ASCC1: variants seen among roughly 807,000 people sequenced by gnomAD.
ASCC1 encodes the protein activating signal cointegrator 1 complex subunit 1.
A neutral mutation model predicts 46.6 loss-of-function variants in ASCC1; 35 were observed. That is an observed-to-expected ratio of 0.75 (90% CI 0.57 to 0.99). ASCC1 has a LOEUF of 0.99. Among genes scored for constraint, ASCC1 ranks in the 50% least tolerant of loss-of-function variants. The probability of loss-of-function intolerance (pLI) is 0.00; values close to 1 mark genes in which losing one functional copy is unlikely to be tolerated. For missense variants in ASCC1, 376 were observed against 428.7 expected, an observed-to-expected ratio of 0.88 and a Z score of 1.09; for synonymous variants, 143 against 146.6, an observed-to-expected ratio of 0.98 and a Z score of 0.18.
chr10:72,118,703 T>C (rs923124003), intron 9 of ASCC1, among the ~76,000 whole-genome samples: 1 of 151,336 alleles, frequency 6.6e-6, no homozygotes, highest in African/African-American at 2.4e-5. Context: ...TGCTTGATCC[T>C]GGGAGGCAGA....
intron 6 of ASCC1, among the ~76,000 whole-genome samples, chr10:72,153,812 C>G (rs1848648145): frequency 6.6e-6 from 1 of 151,950 alleles, no homozygotes; most frequent in Non-Finnish European, 1.5e-5. Flanking sequence ...ACCTCCACCT[C>G]CTAGATTCAA....
intron 9 of ASCC1, chr10:72,103,019 G>A (rs1272951709): frequency 4.6e-6 from 2 of 436,870 alleles, no homozygotes; most frequent in Admixed American, 5.1e-5. Context: ...AAATATGTAG[G>A]TATTGACAAC....
At chr10:72,136,918 C>T (rs1846296491) in intron 7 of ASCC1, among the ~76,000 whole-genome samples, 1 of 151,966 alleles carries the variant, frequency 6.6e-6, no homozygotes, top group Admixed American at 6.6e-5. Flanking sequence ...GGAAGAAACT[C>T]CGGACACATC....
At chr10:72,202,435 T>G (rs778349911) in intron 4 of ASCC1, among the ~76,000 whole-genome samples, 16 of 149,866 alleles carry the variant, frequency 1.1e-4, no homozygotes, top group Non-Finnish European at 1.9e-4. Context: ...ACCTCAGCAC[T>G]CCAGCCTGGG....
intron 9 of ASCC1, among the ~76,000 whole-genome samples, chr10:72,109,196 G>C (rs1277105752): frequency 6.6e-6 from 1 of 152,226 alleles, no homozygotes; most frequent in Non-Finnish European, 1.5e-5. Context: ...AGGGCAGTCT[G>C]TGGGAGGAGC....
intron 9 of ASCC1, 85 bp downstream of exon 9, chr10:72,127,997 A>C: frequency 9.4e-7 from 1 of 1,067,804 alleles, no homozygotes; most frequent in Admixed American, 1.7e-5. Context: ...AGAAGTATGA[A>C]GAAATATACG....
chr10:72,213,480 C>A, intron 1 of ASCC1, 149 bp from the exon 2 acceptor site: 1 of 595,150 alleles, frequency 1.7e-6, no homozygotes, highest in Non-Finnish European at 3.1e-6. Context: ...GATTTCCCAT[C>A]TGTAAACCAG....
intron 7 of ASCC1, among the ~76,000 whole-genome samples, chr10:72,137,527 CAAAAA>C (rs397956947): frequency 2.6e-5 from 2 of 76,130 alleles, no homozygotes; most frequent in African/African-American, 5.1e-5. Flanking sequence ...GACTCCATCT[CAAAAA>C]AAAAAAAAAA....
At chr10:72,179,918 C>T (rs1852348360) in intron 5 of ASCC1, among the ~76,000 whole-genome samples, 1 of 152,040 alleles carries the variant, frequency 6.6e-6, no homozygotes, top group Admixed American at 6.6e-5. Context: ...TCCAAATGTT[C>T]CAGTGGTGAA....
intron 3 of ASCC1, among the ~76,000 whole-genome samples, chr10:72,210,051 G>A (rs1010249448): frequency 2.0e-5 from 3 of 151,866 alleles, no homozygotes; most frequent in Non-Finnish European, 2.9e-5. Flanking sequence ...TGACATGCCT[G>A]CTCCCACTTC....
At chr10:72,148,191 G>A (rs1847867479) in intron 7 of ASCC1, among the ~76,000 whole-genome samples, 1 of 152,070 alleles carries the variant, frequency 6.6e-6, no homozygotes, top group African/African-American at 2.4e-5. Flanking sequence ...CTCAGCCCTT[G>A]AGTGCACATC....
At chr10:72,117,476 T>C (rs1000886360) in intron 9 of ASCC1, among the ~76,000 whole-genome samples, 3 of 152,210 alleles carry the variant, frequency 2.0e-5, no homozygotes, top group South Asian at 4.1e-4. Context: ...TTTGCACTGA[T>C]TGAGAACGCT....
chr10:72,162,951 A>AAAAAAAAAAAG (rs2132709222), intron 5 of ASCC1, among the ~76,000 whole-genome samples: 1 of 151,858 alleles, frequency 6.6e-6, no homozygotes, highest in African/African-American at 2.4e-5. Context: ...TCAAAAAAAA[A>AAAAAAAAAAAG]GGAAAAGGAC....
intron 5 of ASCC1, 104 bp from the exon 6 acceptor site, chr10:72,161,778 G>A: frequency 7.2e-7 from 1 of 1,380,614 alleles, no homozygotes. Context: ...ACAGCCAAGT[G>A]ATTTTCCACA....
intron 7 of ASCC1, among the ~76,000 whole-genome samples, chr10:72,143,034 G>A (rs978209935): frequency 5.9e-5 from 9 of 151,776 alleles, no homozygotes; most frequent in African/African-American, 1.5e-4. Context: ...GGTAGTGGGC[G>A]CCTGTAGTCC....
intron 1 of ASCC1, among the ~76,000 whole-genome samples, chr10:72,214,745 A>G (rs952813624): frequency 6.6e-6 from 1 of 152,166 alleles, no homozygotes; most frequent in Non-Finnish European, 1.5e-5. Context: ...ATCCAGAAAA[A>G]AAAAAGCCCC....
intron 9 of ASCC1, among the ~76,000 whole-genome samples, chr10:72,104,389 A>G (rs1449865140): frequency 1.3e-5 from 2 of 152,204 alleles, no homozygotes; most frequent in Non-Finnish European, 2.9e-5. Context: ...GGATGAAAAT[A>G]AGCACGAGTC....
At chr10:72,174,089 T>C (rs1292465869) in intron 5 of ASCC1, among the ~76,000 whole-genome samples, 1 of 152,228 alleles carries the variant, frequency 6.6e-6, no homozygotes, top group Non-Finnish European at 1.5e-5. Flanking sequence ...GCCTCATCCA[T>C]GCATGCGAAA....
intron 5 of ASCC1, among the ~76,000 whole-genome samples, chr10:72,181,694 T>C (rs1213259141): frequency 6.7e-6 from 1 of 149,992 alleles, no homozygotes; most frequent in Admixed American, 6.7e-5. Flanking sequence ...TATCAAGTGA[T>C]TTTTTTTTTC....
Sources: gnomAD v4.1 joint callset for allele counts (sites outside exome capture counted in the v4.1 genomes callset) on GRCh38, gnomAD v4.1.1 for gene constraint, MANE v1.5 for transcripts, NCBI Gene and HGNC (gene_info 2026-07-23, HGNC 2026-07-21) for gene names.